IGF1R: variants seen among roughly 807,000 people sequenced by gnomAD.
IGF1R encodes the protein insulin like growth factor 1 receptor, also known as insulin-like growth factor 1 receptor.
IGF1R carries 44 observed loss-of-function variants against 144.6 expected under a neutral mutation model. That is an observed-to-expected ratio of 0.30 (90% confidence interval 0.24 to 0.39). IGF1R has a LOEUF of 0.39. Among genes scored for constraint, IGF1R ranks in the 10% least tolerant of loss-of-function variants. IGF1R has a pLI of 1.00. For missense variants in IGF1R, 1,355 were observed against 1,833.7 expected (o/e 0.74, Z 4.77); for synonymous variants, 795 against 722.8 (o/e 1.10, Z -1.60).
intron 2 of IGF1R, among the ~76,000 whole-genome samples, chr15:98,765,934 GC>G (rs1248375366): frequency 6.6e-6 from 1 of 152,188 alleles, no homozygotes; most frequent in Non-Finnish European, 1.5e-5. Context: ...GCATGCTGAT[GC>G]CACGCAAGGG....
chr15:98,791,534 CA>C (rs1396552217), intron 2 of IGF1R, among the ~76,000 whole-genome samples: 1 of 152,056 alleles, frequency 6.6e-6, no homozygotes, highest in Non-Finnish European at 1.5e-5. Context: ...CAAAAGTACC[CA>C]TTGGTATCAC....
rs1235521636 is a variant in IGF1R, at chr15:98,827,294, G to C, written c.641-64031G>C. Among the ~76,000 whole-genome samples, 6 of 152,206 alleles carry C rather than the reference G, an allele frequency of 3.9e-5. No homozygotes were observed. The East Asian group carries it at 1.2e-3, about 29-fold the overall frequency. On this transcript the variant is annotated intron_variant, in intron 2 of 20. Coordinates refer to ENST00000650285, the MANE Select transcript of IGF1R (RefSeq NM_000875.5). Reference sequence around the variant, plus strand: ...TTTTAGCCACCTTGGAATCCGAGGAGGGATTCTGCACTATGCCCTGTAACC... The same window carrying C: ...TTTTAGCCACCTTGGAATCCGAGGACGGATTCTGCACTATGCCCTGTAACC...
chr15:98,894,050 C>T (rs899168729), intron 3 of IGF1R, among the ~76,000 whole-genome samples: 1 of 152,098 alleles, frequency 6.6e-6, no homozygotes, highest in African/African-American at 2.4e-5. Context: ...AGACTTTTTA[C>T]CAAAGATGAT....
chr15:98,710,396 A>G (rs1410990295), intron 2 of IGF1R, among the ~76,000 whole-genome samples: 1 of 152,150 alleles, frequency 6.6e-6, no homozygotes, highest in Non-Finnish European at 1.5e-5. Flanking sequence ...TGGTTTGCGT[A>G]GATTCCATTT....
At chr15:98,832,513 G>A (rs1056435598) in intron 2 of IGF1R, among the ~76,000 whole-genome samples, 2 of 152,214 alleles carry the variant, frequency 1.3e-5, no homozygotes, top group African/African-American at 4.8e-5. Flanking sequence ...CCCGGGTATT[G>A]TATTCCTACT....
At chr15:98,865,519 C>A (rs535223350) in intron 2 of IGF1R, among the ~76,000 whole-genome samples, 1 of 152,160 alleles carries the variant, frequency 6.6e-6, no homozygotes, top group Non-Finnish European at 1.5e-5. Flanking sequence ...TCACGTGGTC[C>A]CAGGCCACGC....
At position 98,891,736 on chromosome 15, in the gene IGF1R, C is replaced by A. The variant is rs1236128429; in HGVS notation, c.953+99C>A. The A allele has an allele frequency of 2.4e-6, 3 of 1,238,456 alleles. No homozygotes were observed. Among genetic ancestry groups the A allele is most frequent in the Non-Finnish European group, 3.4e-6 (3 of 875,382 alleles). The allele number at this position is 1,238,456 out of a possible 1,614,324, so 76.7% of individuals were successfully genotyped here. The stretch of plus-strand genomic sequence containing the variant: ...TGTCGGTTGTTTCATCCGGGTGCAG[C>A]CCTCAGGAAGTTCACTGAGGTGGGT... On this transcript the variant is annotated intron_variant, in intron 3 of 20. Transcript: ENST00000650285. This position sits in a 1 kb window ranked among gnomAD's most constrained non-coding sequence, Gnocchi z 4.7.
At chr15:98,746,478 C>T (rs1222188446) in intron 2 of IGF1R, among the ~76,000 whole-genome samples, 1 of 152,156 alleles carries the variant, frequency 6.6e-6, no homozygotes, top group African/African-American at 2.4e-5. Flanking sequence ...TTTAGTGTAA[C>T]TTAGCACACC....
intron 11 of IGF1R, among the ~76,000 whole-genome samples, chr15:98,923,101 G>C (rs1222484988): frequency 6.6e-6 from 1 of 152,218 alleles, no homozygotes; most frequent in Non-Finnish European, 1.5e-5. Flanking sequence ...CAGTCGTCAG[G>C]CTCCCTGCCT....
At chr15:98,811,389 G>C (rs1344981883) in intron 2 of IGF1R, among the ~76,000 whole-genome samples, 1 of 150,690 alleles carries the variant, frequency 6.6e-6, no homozygotes, top group Non-Finnish European at 1.5e-5. Context: ...AATTAGCCAG[G>C]CGTGGTTGCG....
At chr15:98,747,145 A>G (rs552904773) in intron 2 of IGF1R, among the ~76,000 whole-genome samples, 2 of 152,310 alleles carry the variant, frequency 1.3e-5, no homozygotes, top group Admixed American at 6.5e-5. Flanking sequence ...CTATAGCTCT[A>G]TCAGTTCCCA....
rs1361565953 is a variant in IGF1R, at chr15:98,891,417, G to A, written c.733G>A (p.Asp245Asn). The A allele has an allele frequency of 2.2e-5, 36 of 1,613,438 alleles. No individual in the cohort carries two copies. The highest frequency in any genetic ancestry group is 2.6e-5 in the Non-Finnish European group (31 of 1,180,004). ...GGGCAGCTGCAGCGCGCCTGACAAC[G>A]ACACGGCCTGTGTAGCTTGCCGCCA... ...CLGSCSAPDN[D>N]TACVACRHYY... The change falls in exon 3 of 21, where the codon GAC becomes AAC. Residue 245 changes from aspartate (D) to asparagine (N), a missense_variant. Coordinates refer to ENST00000650285, the MANE Select transcript of IGF1R (RefSeq NM_000875.5). The surrounding 1 kb of genome is among the most constrained non-coding windows in gnomAD (Gnocchi z 4.7).
At chr15:98,790,600 C>T (rs146661142) in intron 2 of IGF1R, among the ~76,000 whole-genome samples, 1 of 152,276 alleles carries the variant, frequency 6.6e-6, no homozygotes, top group Non-Finnish European at 1.5e-5. Context: ...GCACCTGCTC[C>T]ATGGTCTCTT....
intron 1 of IGF1R, among the ~76,000 whole-genome samples, chr15:98,674,400 C>T (rs2052977652): frequency 6.6e-6 from 1 of 152,178 alleles, no homozygotes; most frequent in South Asian, 2.1e-4. Context: ...CCGTCAATAT[C>T]ATCACCCTAG....
intron 2 of IGF1R, among the ~76,000 whole-genome samples, chr15:98,888,671 C>CT (rs1226248279): frequency 1.3e-5 from 2 of 152,048 alleles, no homozygotes; most frequent in East Asian, 3.8e-4. Context: ...AGAGCCAATC[C>CT]TTATCAACAA....
At position 98,707,537 on chromosome 15, in the gene IGF1R, C is replaced by A; in HGVS notation, c.95-25C>A. ...AAAAATTATTTCCTTCTAACTGAGACGTTTACCCTCTTGTCTCCCTTCAGT... is the reference window on the plus strand; with the variant it reads ...AAAAATTATTTCCTTCTAACTGAGAAGTTTACCCTCTTGTCTCCCTTCAGT... On this transcript the variant is annotated intron_variant, in intron 1 of 20. Coordinates refer to ENST00000650285, the MANE Select transcript of IGF1R (RefSeq NM_000875.5). This position sits in a 1 kb window ranked among gnomAD's most constrained non-coding sequence, Gnocchi z 6.7. 1 of 1,610,832 alleles carries A rather than the reference C, an allele frequency of 6.2e-7. No homozygotes were observed. The highest frequency in any genetic ancestry group is 8.5e-7 in the Non-Finnish European group (1 of 1,177,104).
chr15:98,666,418 GAT>G (rs1454101077), intron 1 of IGF1R, among the ~76,000 whole-genome samples: 4 of 152,106 alleles, frequency 2.6e-5, no homozygotes, highest in African/African-American at 9.7e-5. Flanking sequence ...GGCTCGAACA[GAT>G]ATTTGTACAC....
At chr15:98,701,886 G>A (rs2053742438) in intron 1 of IGF1R, among the ~76,000 whole-genome samples, 1 of 152,142 alleles carries the variant, frequency 6.6e-6, no homozygotes. Context: ...TAACACAAAA[G>A]CACTTACCTG....
At chr15:98,798,863 T>G (rs866004406) in intron 2 of IGF1R, among the ~76,000 whole-genome samples, 4 of 152,240 alleles carry the variant, frequency 2.6e-5, no homozygotes, top group South Asian at 2.1e-4. Context: ...AACGAATATT[T>G]ATTGAGCACT....
Sources: allele counts gnomAD v4.1 joint callset (sites outside exome capture counted in the v4.1 genomes callset), GRCh38; gene constraint gnomAD v4.1.1; non-coding constraint Gnocchi (gnomAD v3.1); transcripts MANE v1.5; gene names NCBI Gene and HGNC (gene_info 2026-07-23, HGNC 2026-07-21).